The following E2F7 variants were observed in gnomAD, a reference collection of about 807,000 sequenced individuals.
The protein encoded by E2F7 is transcription factor E2F7.
A neutral mutation model predicts 81.1 loss-of-function variants in E2F7; 35 were observed. The ratio of observed to expected loss-of-function variants is 0.43; its 90% confidence interval spans 0.33 to 0.57. The LOEUF is 0.57. E2F7 is among the 20% of genes least tolerant of loss of function. The probability of loss-of-function intolerance (pLI) is 0.04; values close to 1 mark genes in which losing one functional copy is unlikely to be tolerated. For synonymous variants in E2F7, 416 were observed against 416.2 expected, an observed-to-expected ratio of 1.00 and a Z score of 0.01; for missense variants, 961 against 1,093.7, an observed-to-expected ratio of 0.88 and a Z score of 1.71.
chr12:77,058,116 G>GT (rs1452651639), intron 2 of E2F7, among the ~76,000 whole-genome samples: 1 of 152,154 alleles, frequency 6.6e-6, no homozygotes, highest in Admixed American at 6.5e-5. Flanking sequence ...TCATACTACA[G>GT]TAAGTACTCG....
chr12:77,044,879 G>C (rs1009350017), intron 5 of E2F7, 84 bp from the exon 6 acceptor site: 2 of 1,460,576 alleles, frequency 1.4e-6, no homozygotes, highest in African/African-American at 2.8e-5. Flanking sequence ...AAATGATCTA[G>C]CCCTATCAGC....
At chr12:77,035,812 C>T (rs745593851) in intron 7 of E2F7, among the ~76,000 whole-genome samples, 72 of 151,764 alleles carry the variant, frequency 4.7e-4, no homozygotes, top group Admixed American at 7.2e-4. Context: ...TATTGCATAC[C>T]ATAAATTCAA....
At chr12:77,026,568 C>T (rs925768628) in intron 11 of E2F7, among the ~76,000 whole-genome samples, 1 of 152,142 alleles carries the variant, frequency 6.6e-6, no homozygotes, top group Non-Finnish European at 1.5e-5. Flanking sequence ...TCCCAAAGTG[C>T]TGAGATTACA....
At chr12:77,045,877 G>T in intron 5 of E2F7, 161 bp downstream of exon 5, 2 of 920,826 alleles carry the variant, frequency 2.2e-6, no homozygotes, top group Non-Finnish European at 3.2e-6. Flanking sequence ...GGGCAGTCCA[G>T]TTGGGGAGCC....
At chr12:77,032,986 T>C in intron 9 of E2F7, 64 bp downstream of exon 9, 2 of 1,504,038 alleles carry the variant, frequency 1.3e-6, no homozygotes, top group East Asian at 2.3e-5. Flanking sequence ...GGCACTGCAA[T>C]TTAGTCAAAG....
intron 4 of E2F7, 52 bp downstream of exon 4, chr12:77,050,524 A>G (rs1954977742): frequency 6.3e-7 from 1 of 1,592,548 alleles, no homozygotes; most frequent in East Asian, 2.2e-5. Flanking sequence ...CAAGGAAACC[A>G]GTTTCCCACT....
chr12:77,032,294 C>T (rs1592555870), intron 9 of E2F7, among the ~76,000 whole-genome samples: 1 of 152,222 alleles, frequency 6.6e-6, no homozygotes, highest in East Asian at 1.9e-4. Flanking sequence ...TTGCCTCCAA[C>T]ACCTAACCTC....
chr12:77,034,218 A>C (rs562894787), intron 7 of E2F7, among the ~76,000 whole-genome samples, 176 bp from the exon 8 acceptor site: 202 of 151,322 alleles, frequency 1.3e-3, no homozygotes, highest in Non-Finnish European at 2.1e-3. Context: ...AATTTCTTTC[A>C]ATGTACTTTT....
intron 1 of E2F7, 60 bp from the exon 2 acceptor site, chr12:77,064,695 AAAAT>A (rs1955103692): frequency 7.3e-7 from 1 of 1,373,640 alleles, no homozygotes; most frequent in Admixed American, 1.7e-5. Context: ...TCCTCAAACA[AAAAT>A]ATCTACATAT....
chr12:77,033,769 T>C, intron 8 of E2F7, 88 bp downstream of exon 8: 1 of 1,344,870 alleles, frequency 7.4e-7, no homozygotes, highest in Non-Finnish European at 9.9e-7. Flanking sequence ...CAGTTTGTTT[T>C]AAAACGCCAG....
intron 10 of E2F7, 51 bp downstream of exon 10, chr12:77,029,780 A>G (rs775864937): frequency 3.8e-6 from 6 of 1,595,596 alleles, no homozygotes; most frequent in South Asian, 1.1e-5. Context: ...ATTAGGAAGA[A>G]GCTCAGGGCT....
intron 10 of E2F7, among the ~76,000 whole-genome samples, chr12:77,029,551 A>C (rs1242177146): frequency 1.3e-5 from 2 of 152,206 alleles, no homozygotes; most frequent in African/African-American, 4.8e-5. Flanking sequence ...ATATATAAAC[A>C]TGTTAATAGT....
rs1954864959 is a variant in E2F7 at position 77,037,903 on chromosome 12, C to A, written c.1124-3861G>T. Among the ~76,000 whole-genome samples the A allele has an allele frequency of 3.3e-5, 5 of 152,108 alleles. No homozygotes were observed. The South Asian group carries it at 1.0e-3, about 32-fold the overall frequency. Reference sequence around the variant, plus strand: ...TTTAAAAAAATTCAACTATATACTGCCCACCAGACACTCACATTAAATAGA... The same window carrying A: ...TTTAAAAAAATTCAACTATATACTGACCACCAGACACTCACATTAAATAGA... On this transcript the variant is annotated intron_variant, in intron 7 of 12. Transcript: ENST00000322886.
At chr12:77,053,529 A>G (rs1194019733) in intron 3 of E2F7, among the ~76,000 whole-genome samples, 1 of 152,170 alleles carries the variant, frequency 6.6e-6, no homozygotes, top group Non-Finnish European at 1.5e-5. Context: ...TGACTCTCTG[A>G]AAGACTGTCT....
At chr12:77,052,519 T>A (rs11116810) in intron 3 of E2F7, among the ~76,000 whole-genome samples, 22,599 of 152,038 alleles carry the variant, frequency 0.15, 1,945 homozygotes, top group Non-Finnish European at 0.19. Context: ...CAAAGTTGTA[T>A]CTTGACTCAT....
chr12:77,027,172 A>C (rs1002742924), intron 11 of E2F7, among the ~76,000 whole-genome samples: 1 of 152,238 alleles, frequency 6.6e-6, no homozygotes, highest in Non-Finnish European at 1.5e-5. Flanking sequence ...GGCTTAAGCC[A>C]ACAAGGAATT....
intron 4 of E2F7, among the ~76,000 whole-genome samples, chr12:77,046,675 G>GT (rs1954945519): frequency 6.6e-6 from 1 of 152,170 alleles, no homozygotes; most frequent in Non-Finnish European, 1.5e-5. Flanking sequence ...AGCAATACAT[G>GT]TAACAGTGTG....
rs1033954349 is a variant in E2F7 at position 77,065,362 on chromosome 12, G to A, written c.-18C>T. On this transcript the variant is annotated 5_prime_UTR_variant, in exon 1 of 13. Transcript: ENST00000322886. ...ACGCTTACCCCTGCTTTCCTAAGGA[G>A]GCTTCCTGCCTCTGCAGGGACCTCC... is the stretch of plus-strand genomic sequence containing the variant. 4.6e-5 allele frequency: 7 copies of A among 152,292 alleles called. No individual in the cohort carries two copies. The highest frequency in any genetic ancestry group is 7.3e-5 in the Non-Finnish European group (5 of 68,108). The allele number at this position is 152,292 out of a possible 1,614,324, so 9.4% of individuals were successfully genotyped here. A position where few individuals can be genotyped will look rare whatever the true frequency, so the allele number is the denominator to read the frequency against.
rs572312321 is a variant in E2F7 at position 77,058,731 on chromosome 12, A to G, written c.94-2601T>C. Among the ~76,000 whole-genome samples, 249 of 152,346 alleles carry G rather than the reference A, an allele frequency of 1.6e-3. No individual in the cohort carries two copies. The Middle Eastern group carries it at 0.027, about 17-fold the overall frequency. On this transcript the variant is annotated intron_variant, in intron 2 of 12. Transcript: ENST00000322886. Reference sequence around the variant, plus strand: ...GGGTTATGAGATTAGTTCCTGGCATATAGTGAGCGCTCGATAAAACTTAGC... The same window carrying G: ...GGGTTATGAGATTAGTTCCTGGCATGTAGTGAGCGCTCGATAAAACTTAGC...
Sources: allele counts gnomAD v4.1 joint callset (sites outside exome capture counted in the v4.1 genomes callset), GRCh38; gene constraint gnomAD v4.1.1; transcripts MANE v1.5; gene names NCBI Gene and HGNC (gene_info 2026-07-23, HGNC 2026-07-21).